CD55: variants seen among roughly 807,000 people sequenced by gnomAD.
CD55 encodes the protein CD55 molecule (Cromer blood group).
A neutral mutation model predicts 45.8 loss-of-function variants in CD55; 41 were observed. The observed-to-expected ratio is 0.90, with a 90% CI of 0.70 to 1.16. CD55 has a LOEUF of 1.16. Among genes scored for constraint, CD55 ranks in the 50% most tolerant of loss-of-function variants. The pLI is 0.00. For synonymous variants in CD55, 181 were observed against 181.1 expected (o/e 1.00, Z 0.01); for missense variants, 416 against 469.8 (o/e 0.89, Z 1.06).
Position 207,324,661 on chromosome 1 carries a change from G to A in CD55, c.389G>A (p.Arg130His), listed in dbSNP as rs756646491. Residue 130 changes from arginine (R) to histidine (H), a missense_variant, in exon 3 of 10, where the codon CGT (arginine) becomes CAT (histidine). This residue lies in a region of CD55 where 111 missense variants were observed against 163.4 expected (regional missense o/e 0.68). Transcript: ENST00000367064. ...GGTACTGTTGTGGAATATGAGTGCC[G>A]TCCAGGTTACAGAAGAGAACCTTCT... ...PVGTVVEYEC[R>H]PGYRREPSLS... 24 of 1,612,506 alleles carry A rather than the reference G, an allele frequency of 1.5e-5. No homozygotes were observed. Among genetic ancestry groups the A allele is most frequent in the Admixed American group, 3.3e-5 (2 of 59,860 alleles).
At chr1:207,342,388 A>G (rs1234558177) in intron 9 of CD55, among the ~76,000 whole-genome samples, 1 of 152,164 alleles carries the variant, frequency 6.6e-6, no homozygotes, top group Non-Finnish European at 1.5e-5. Context: ...CAGTTCTTAG[A>G]AGAAAGGCTT....
chr1:207,350,076 G>A (rs1042781141), intron 9 of CD55: 7 of 453,878 alleles, frequency 1.5e-5, no homozygotes, highest in African/African-American at 1.4e-4. Context: ...AAGGGATGTT[G>A]AATGTTGTCA....
intron 3 of CD55, 103 bp downstream of exon 3, chr1:207,324,853 T>TAG: frequency 1.7e-6 from 1 of 600,148 alleles, no homozygotes; most frequent in Non-Finnish European, 2.8e-6. Flanking sequence ...TATTATTATA[T>TAG]AGGATGTTTC....
intron 9 of CD55, chr1:207,347,265 A>AT (rs878860129): frequency 0.035 from 13,557 of 383,572 alleles, 8 homozygotes; most frequent in East Asian, 0.052. Context: ...GGGTAAACAC[A>AT]TTTTTTTTTT....
At chr1:207,339,731 T>C (rs1051551081) in intron 9 of CD55, among the ~76,000 whole-genome samples, 2 of 152,176 alleles carry the variant, frequency 1.3e-5, no homozygotes, top group Non-Finnish European at 2.9e-5. Flanking sequence ...AAGTAACCTT[T>C]ATAAAAACAT....
Position 207,359,717 on chromosome 1 carries a change from A to G in CD55, c.*107A>G. The G allele has an allele frequency of 7.0e-7, 1 of 1,418,466 alleles. No individual in the cohort carries two copies. The highest frequency in any genetic ancestry group is 1.5e-5 in the African/African-American group (1 of 66,478). The allele number at this position is 1,418,466 out of a possible 1,614,324, so 87.9% of individuals were successfully genotyped here. A position where few individuals can be genotyped will look rare whatever the true frequency, so the allele number is the denominator to read the frequency against. On this transcript the variant is annotated 3_prime_UTR_variant, in exon 10 of 10. Coordinates refer to ENST00000367064, the MANE Select transcript of CD55 (RefSeq NM_000574.5). ...ATAAATGCAATTGTGCTCTTCATTT[A>G]GGATGCTTTCATTGTCTTTAAGATG... is the stretch of plus-strand genomic sequence containing the variant.
intron 6 of CD55, 117 bp from the exon 7 acceptor site, chr1:207,336,576 C>T (rs1461704609): frequency 8.4e-7 from 1 of 1,191,862 alleles, no homozygotes; most frequent in Non-Finnish European, 1.2e-6. Flanking sequence ...TCCTGAAAGT[C>T]ATACCTAGGT....
At chr1:207,339,254 A>C (rs1284175439) in intron 8 of CD55, 143 bp from the exon 9 acceptor site, 3 of 609,308 alleles carry the variant, frequency 4.9e-6, no homozygotes, top group African/African-American at 3.7e-5. Flanking sequence ...TGTTTTTATA[A>C]ATTTATAATT....
Position 207,322,466 on chromosome 1 carries a change from C to T in CD55, c.185C>T (p.Thr62Met), listed in dbSNP as rs1654463053. 6.2e-7 allele frequency: 1 copy of T among 1,614,130 alleles called. No individual in the cohort carries two copies. Among genetic ancestry groups the T allele is most frequent in the Non-Finnish European group, 8.5e-7 (1 of 1,179,968 alleles). The change falls in exon 2 of 10, where the codon ACG (threonine) becomes ATG (methionine). Residue 62 changes from threonine to methionine, a missense_variant. Physicochemically the swap from Thr to Met is moderately conservative, Grantham distance 81. Transcript: ENST00000367064. ...AGTTTTCCCGAGGATACTGTAATAACGTACAAATGTGAAGAAAGCTTTGTG... is the reference window on the plus strand; with the variant it reads ...AGTTTTCCCGAGGATACTGTAATAATGTACAAATGTGAAGAAAGCTTTGTG... Reference protein sequence around the residue: ...RTSFPEDTVITYKCEESFVKI... With the variant: ...RTSFPEDTVIMYKCEESFVKI...
intron 3 of CD55, 29 bp from the exon 4 acceptor site, chr1:207,325,593 T>C (rs1442813073): frequency 6.9e-7 from 1 of 1,445,588 alleles, no homozygotes; most frequent in Admixed American, 1.7e-5. Context: ...TAATTTAATT[T>C]TAAAAAATCA....
chr1:207,332,543 G>A (rs1195660095), intron 6 of CD55, among the ~76,000 whole-genome samples: 1 of 152,082 alleles, frequency 6.6e-6, no homozygotes, highest in Non-Finnish European at 1.5e-5. Context: ...TGATTGTTAG[G>A]GAGATTTGAC....
intron 9 of CD55, chr1:207,347,697 C>T (rs1487228420): frequency 1.9e-5 from 3 of 157,558 alleles, no homozygotes; most frequent in Non-Finnish European, 4.2e-5. Context: ...GAGCTTAGTA[C>T]CCAATAGGTA....
chr1:207,328,229 C>A (rs554366503), intron 5 of CD55, among the ~76,000 whole-genome samples: 2 of 152,198 alleles, frequency 1.3e-5, no homozygotes, highest in African/African-American at 2.4e-5. Flanking sequence ...ACTCTTCTAT[C>A]CTCTCTGTGA....
chr1:207,349,797 A>G (rs1412897021), intron 9 of CD55, among the ~76,000 whole-genome samples: 1 of 152,160 alleles, frequency 6.6e-6, no homozygotes, highest in Non-Finnish European at 1.5e-5. Context: ...GTTTAAACTC[A>G]TATCATCTGT....
intron 4 of CD55, among the ~76,000 whole-genome samples, chr1:207,326,227 A>G (rs1654674971): frequency 6.6e-6 from 1 of 152,214 alleles, no homozygotes. Context: ...GACACTGTTG[A>G]AAACTTTACA....
At chr1:207,337,130 A>G (rs1655214265) in intron 7 of CD55, 199 bp from the exon 8 acceptor site, 2 of 607,038 alleles carry the variant, frequency 3.3e-6, no homozygotes, top group African/African-American at 3.7e-5. Context: ...CCTATCTACA[A>G]AGACCCCTTC....
At position 207,359,657 on chromosome 1, in the gene CD55, C is replaced by T. The variant is rs758957459; in HGVS notation, c.*47C>T. Reference sequence around the variant, plus strand: ...AATACACACAAGTATACAGACTGTTCCTAGTTTCTTAGACTTATCTGCATA... The same window carrying T: ...AATACACACAAGTATACAGACTGTTTCTAGTTTCTTAGACTTATCTGCATA... On this transcript the variant is annotated 3_prime_UTR_variant, in exon 10 of 10. Coordinates refer to ENST00000367064, the MANE Select transcript of CD55 (RefSeq NM_000574.5). 3 of 1,544,450 alleles carry T rather than the reference C, an allele frequency of 1.9e-6. No homozygotes were observed. In the Admixed American group the frequency reaches 6.9e-5, roughly 36 times the overall value.
chr1:207,323,002 G>C (rs1572866584), intron 2 of CD55, among the ~76,000 whole-genome samples: 1 of 151,894 alleles, frequency 6.6e-6, no homozygotes, highest in African/African-American at 2.4e-5. Flanking sequence ...ATATTTATAG[G>C]GTACATGTGA....
intron 9 of CD55, among the ~76,000 whole-genome samples, chr1:207,353,500 C>G (rs1389331052): frequency 1.3e-5 from 2 of 152,058 alleles, no homozygotes; most frequent in Admixed American, 6.5e-5. Context: ...AGAGTCTTGA[C>G]TCTTAAGTAG....
Sources: gnomAD v4.1 joint callset for allele counts (sites outside exome capture counted in the v4.1 genomes callset) on GRCh38, gnomAD v4.1.1 for gene constraint, gnomAD v4.1.1 regional missense constraint, MANE v1.5 for transcripts, NCBI Gene and HGNC (gene_info 2026-07-23, HGNC 2026-07-21) for gene names.